LGSN: variants seen among roughly 807,000 people sequenced by gnomAD.
LGSN encodes lengsin.
In LGSN, 21 loss-of-function variants were observed where a neutral mutation model predicts 19.5. The ratio of observed to expected loss-of-function variants is 1.07; its 90% CI spans 0.76 to 1.55. The LOEUF (loss-of-function observed/expected upper bound fraction) is 1.55, where lower values mean the gene tolerates loss of function less well. LGSN is among the 40% of genes most tolerant of loss of function. LGSN has a pLI of 0.00. For missense variants in LGSN, 673 were observed against 608.5 expected, an observed-to-expected ratio of 1.11 and a Z score of -1.12; for synonymous variants, 257 against 215.6, an observed-to-expected ratio of 1.19 and a Z score of -1.68.
At chr6:63,429,140 A>G in the LGSN span, among the ~76,000 whole-genome samples, 2 of 152,220 alleles carry the variant, frequency 1.3e-5, no homozygotes, top group African/African-American at 4.8e-5. Context: ...TCTGCAGTCT[A>G]ACTGAAGACA....
Position 63,313,310 on chromosome 6 carries a change from C to A in LGSN, c.30+6604G>T, listed in dbSNP as rs140561764. Among the ~76,000 whole-genome samples the A allele has an allele frequency of 6.4e-4, 97 of 151,926 alleles. 1 individual carries two copies. Among genetic ancestry groups the A allele is most frequent in the African/African-American group, 2.2e-3 (93 of 41,438 alleles). On this transcript the variant is annotated intron_variant, in intron 1 of 3. Transcript: ENST00000370657. ...CTGGAGGCCTTGGTAAGGACAGTCACGGTGGAAGCATGTGAGCAGCAGCTA... is the reference window on the plus strand; with the variant it reads ...CTGGAGGCCTTGGTAAGGACAGTCAAGGTGGAAGCATGTGAGCAGCAGCTA...
At chr6:63,365,306 C>T in the LGSN span, among the ~76,000 whole-genome samples, 1 of 152,196 alleles carries the variant, frequency 6.6e-6, no homozygotes, top group African/African-American at 2.4e-5. Context: ...ATACTATAAA[C>T]ACCTCCACGC....
the LGSN span, among the ~76,000 whole-genome samples, chr6:63,330,233 A>G: frequency 6.6e-6 from 1 of 152,310 alleles, no homozygotes; most frequent in South Asian, 2.1e-4. Flanking sequence ...CCACACTGAT[A>G]ATAAGCCCTA....
the LGSN span, among the ~76,000 whole-genome samples, chr6:63,493,761 C>G: frequency 7.1e-3 from 1,087 of 152,262 alleles, 9 homozygotes; most frequent in Non-Finnish European, 0.012. Context: ...TGATCACTCT[C>G]TGATTCAGGT....
At chr6:63,398,983 T>A in the LGSN span, among the ~76,000 whole-genome samples, 5 of 152,108 alleles carry the variant, frequency 3.3e-5, no homozygotes, top group South Asian at 2.1e-4. Context: ...TTTCAAAAAA[T>A]TTTTGTAGAG....
At chr6:63,462,058 C>T in the LGSN span, among the ~76,000 whole-genome samples, 2 of 152,142 alleles carry the variant, frequency 1.3e-5, no homozygotes, top group Non-Finnish European at 2.9e-5. Context: ...CTTCTGCAAG[C>T]TTCAGAATTC....
At chr6:63,287,581 G>A (rs377431260) in intron 2 of LGSN, among the ~76,000 whole-genome samples, 8 of 152,048 alleles carry the variant, frequency 5.3e-5, no homozygotes, top group East Asian at 3.9e-4. Flanking sequence ...GGTGTCATGC[G>A]CCTGTAGTCC....
At chr6:63,395,656 G>T in the LGSN span, 2 of 153,386 alleles carry the variant, frequency 1.3e-5, no homozygotes, top group South Asian at 3.9e-4. Context: ...TTCTTCCAGT[G>T]ACTGGAGGTG....
the LGSN span, among the ~76,000 whole-genome samples, chr6:63,513,634 G>A: frequency 6.6e-6 from 1 of 152,066 alleles, no homozygotes; most frequent in African/African-American, 2.4e-5. Context: ...CAATTGGCCA[G>A]GTGTGGTAGC....
chr6:63,481,200 T>C, the LGSN span, among the ~76,000 whole-genome samples: 4 of 152,208 alleles, frequency 2.6e-5, no homozygotes, highest in Admixed American at 6.6e-5. Context: ...TGATATAATG[T>C]GACCTTGAGA....
At chr6:63,472,947 AT>A in the LGSN span, among the ~76,000 whole-genome samples, 2 of 151,872 alleles carry the variant, frequency 1.3e-5, no homozygotes, top group Non-Finnish European at 2.9e-5. Flanking sequence ...TCTCAAAAAA[AT>A]AAAATAAAAA....
the LGSN span, among the ~76,000 whole-genome samples, chr6:63,445,548 G>T: frequency 6.6e-6 from 1 of 152,080 alleles, no homozygotes; most frequent in Admixed American, 6.5e-5. Context: ...AACCTGGAAG[G>T]TGGAGGTTGC....
At chr6:63,414,920 A>ATTAAATTAAAATTAAATTAAAATT in the LGSN span, among the ~76,000 whole-genome samples, 239 of 152,342 alleles carry the variant, frequency 1.6e-3, 1 homozygote, top group African/African-American at 5.3e-3. Context: ...CTTTAAAAAA[A>ATTAAATTAAAATTAAATTAAAATT]ATTAAATTAA....
chr6:63,353,238 G>A, the LGSN span, among the ~76,000 whole-genome samples: 39 of 152,244 alleles, frequency 2.6e-4, 1 homozygote, highest in South Asian at 7.1e-3. Context: ...CAAAGGGGAA[G>A]GAAATTGAGC....
intron 2 of LGSN, among the ~76,000 whole-genome samples, chr6:63,288,448 A>C (rs1044590733): frequency 1.3e-5 from 2 of 151,592 alleles, no homozygotes; most frequent in East Asian, 3.9e-4. Flanking sequence ...ATAAATTCAC[A>C]CAGTGAAAGG....
the LGSN span, among the ~76,000 whole-genome samples, chr6:63,500,255 G>A: frequency 7.0e-5 from 8 of 114,412 alleles, no homozygotes; most frequent in Admixed American, 5.3e-4. Flanking sequence ...TTATGAAGGA[G>A]AAGTATAATG....
chr6:63,430,802 A>C, the LGSN span, among the ~76,000 whole-genome samples: 7 of 152,328 alleles, frequency 4.6e-5, no homozygotes, highest in East Asian at 1.3e-3. Flanking sequence ...CAGGGGAGCC[A>C]TGTCAATGTG....
intron 1 of LGSN, among the ~76,000 whole-genome samples, chr6:63,317,672 G>T (rs1768914614): frequency 6.6e-6 from 1 of 152,088 alleles, no homozygotes; most frequent in South Asian, 2.1e-4. Context: ...GGGAAAGCTG[G>T]GGTAGGTAAA....
chr6:63,312,770 A>C (rs1191462289), intron 1 of LGSN, among the ~76,000 whole-genome samples: 1 of 152,184 alleles, frequency 6.6e-6, no homozygotes, highest in African/African-American at 2.4e-5. Flanking sequence ...GCTCTGGAGA[A>C]GCGGGCGAAA....
Sources: allele counts gnomAD v4.1 joint callset (sites outside exome capture counted in the v4.1 genomes callset), GRCh38; gene constraint gnomAD v4.1.1; transcripts MANE v1.5; gene names NCBI Gene and HGNC (gene_info 2026-07-23, HGNC 2026-07-21).